Variants in DIP2C observed in about 807,000 individuals in gnomAD.
The protein encoded by DIP2C is DIP2 acetate--CoA ligase C (putative).
DIP2C carries 33 observed loss-of-function variants against 192.4 expected under a neutral mutation model. The observed-to-expected ratio is 0.17, with a 90% confidence interval of 0.13 to 0.23. The LOEUF is 0.23. Among genes scored for constraint, DIP2C ranks in the 10% least tolerant of loss-of-function variants. DIP2C has a pLI of 1.00. For missense variants in DIP2C, 1,537 were observed against 2,110.1 expected, an observed-to-expected ratio of 0.73 and a Z score of 5.32; for synonymous variants, 979 against 864.1, an observed-to-expected ratio of 1.13 and a Z score of -2.33.
intron 3 of DIP2C, among the ~76,000 whole-genome samples, chr10:472,075 G>A (rs1970673517): frequency 1.3e-5 from 2 of 152,152 alleles, no homozygotes; most frequent in Admixed American, 1.3e-4. Context: ...TTTCTGTTTA[G>A]AAAAGTAGAC....
intron 29 of DIP2C, among the ~76,000 whole-genome samples, chr10:337,503 G>A (rs997422228): frequency 2.4e-4 from 34 of 143,854 alleles, no homozygotes; most frequent in Non-Finnish European, 4.2e-4. Flanking sequence ...TGGAGGCCTA[G>A]ACAGTCTGTG....
chr10:507,052 G>A (rs985194191), intron 1 of DIP2C, among the ~76,000 whole-genome samples: 6 of 152,160 alleles, frequency 3.9e-5, no homozygotes, highest in African/African-American at 1.4e-4. Flanking sequence ...CACCCATTGT[G>A]CACGATAAGA....
chr10:643,466 A>G (rs1468250625), intron 1 of DIP2C, among the ~76,000 whole-genome samples: 1 of 152,042 alleles, frequency 6.6e-6, no homozygotes, highest in Non-Finnish European at 1.5e-5. Context: ...GTGAACTGAG[A>G]TCGCACCACT....
chr10:387,605 G>C (rs1963073337), intron 14 of DIP2C, 140 bp downstream of exon 14: 2 of 732,972 alleles, frequency 2.7e-6, no homozygotes, highest in South Asian at 1.6e-5. Flanking sequence ...GTGGGAGGGA[G>C]ACTCCTGTGT....
chr10:395,503 G>T (rs1589696684), intron 10 of DIP2C, among the ~76,000 whole-genome samples: 1 of 152,180 alleles, frequency 6.6e-6, no homozygotes, highest in East Asian at 1.9e-4. Flanking sequence ...TCAGGGGAGG[G>T]TCTCTGTACT....
At chr10:568,638 C>T (rs1301591670) in intron 1 of DIP2C, among the ~76,000 whole-genome samples, 4 of 151,640 alleles carry the variant, frequency 2.6e-5, no homozygotes, top group South Asian at 2.1e-4. Context: ...TGGTGGCACG[C>T]GCCTGTAGTC....
chr10:396,868 C>A (rs550255731), intron 10 of DIP2C, among the ~76,000 whole-genome samples: 1 of 149,970 alleles, frequency 6.7e-6, no homozygotes, highest in African/African-American at 2.5e-5. Flanking sequence ...GGGGGGGAAA[C>A]TGGCATTCTC....
At position 341,323 on chromosome 10, in the gene DIP2C, G is replaced by C; in HGVS notation, c.3460C>G (p.His1154Asp). 1.2e-6 allele frequency: 2 copies of C among 1,613,952 alleles called. No individual in the cohort carries two copies. Among genetic ancestry groups the C allele is most frequent in the Admixed American group, 3.3e-5 (2 of 60,028 alleles). ...CGGCAGAAGGCACTGGTGGCTGCGT[G>C]AGACATCTGCAAAATACAAGGCTGT... ...TGMLAGVKMSHAATSAFCRSI... is the reference protein window; with the variant it reads ...TGMLAGVKMSDAATSAFCRSI... The change falls in exon 29 of 37, where the codon CAC (histidine) becomes GAC (aspartate). Residue 1154 changes from histidine to aspartate, a missense_variant. Physicochemically the swap from His to Asp is moderately conservative, Grantham distance 81. Around this residue, in one of 4 missense-constraint regions of DIP2C, gnomAD observed 341 missense variants for 551.7 expected, o/e 0.62. Transcript: ENST00000280886.
intron 1 of DIP2C, among the ~76,000 whole-genome samples, chr10:532,054 T>G (rs1417980658): frequency 6.6e-6 from 1 of 151,964 alleles, no homozygotes; most frequent in Non-Finnish European, 1.5e-5. Context: ...GTATGACGAG[T>G]CCCCTTTAGT....
At chr10:684,133 C>A (rs1831230664) in intron 1 of DIP2C, among the ~76,000 whole-genome samples, 1 of 152,220 alleles carries the variant, frequency 6.6e-6, no homozygotes, top group Non-Finnish European at 1.5e-5. Context: ...AAAGAACATT[C>A]AAATCAAACT....
intron 9 of DIP2C, among the ~76,000 whole-genome samples, chr10:407,194 T>C (rs988929599): frequency 6.6e-6 from 1 of 152,190 alleles, no homozygotes; most frequent in Admixed American, 6.5e-5. Flanking sequence ...AGGTGAACTG[T>C]TGGGTAGTTA....
chr10:590,462 G>A (rs546472813), intron 1 of DIP2C, among the ~76,000 whole-genome samples: 32 of 152,310 alleles, frequency 2.1e-4, no homozygotes, highest in Middle Eastern at 6.8e-3. Flanking sequence ...AACCCACGCC[G>A]AACCTCAGTG....
intron 3 of DIP2C, among the ~76,000 whole-genome samples, chr10:452,795 G>A (rs1050851607): frequency 5.9e-5 from 9 of 152,188 alleles, no homozygotes; most frequent in Non-Finnish European, 1.2e-4. Flanking sequence ...AAGGCCGCAT[G>A]TCCACTGGCC....
chr10:644,060 G>T (rs1207432854), intron 1 of DIP2C, among the ~76,000 whole-genome samples: 1 of 152,234 alleles, frequency 6.6e-6, no homozygotes, highest in East Asian at 1.9e-4. Context: ...AGCTGCGGCT[G>T]TTTTAAAAAG....
intron 2 of DIP2C, among the ~76,000 whole-genome samples, chr10:486,204 A>C (rs1343629636): frequency 6.6e-6 from 1 of 152,254 alleles, no homozygotes; most frequent in Non-Finnish European, 1.5e-5. Context: ...TAGCATTTTA[A>C]AGTAACCAAC....
intron 1 of DIP2C, among the ~76,000 whole-genome samples, chr10:583,672 A>G (rs563705854): frequency 6.6e-6 from 1 of 152,354 alleles, no homozygotes; most frequent in East Asian, 1.9e-4. Flanking sequence ...GCTCTCAGCC[A>G]GCGCTCAACA....
At chr10:286,430 A>T in intron 33 of DIP2C, 83 bp from the exon 34 acceptor site, 1 of 1,259,632 alleles carries the variant, frequency 7.9e-7, no homozygotes, top group South Asian at 1.2e-5. Context: ...TCTCATCTTT[A>T]TGCCATTTCC....
In DIP2C at chr10:605,268, G is replaced by A. The variant is rs552718587; in HGVS notation, c.85+84226C>T. ...GGGGGCAGCAGAACTGAAGCTCTAC[G>A]ACTATCTCAACTACTGGGTTTCAGG... is the stretch of plus-strand genomic sequence containing the variant. On this transcript the variant is annotated intron_variant, in intron 1 of 36. Transcript: ENST00000280886. Among the ~76,000 whole-genome samples the A allele has an allele frequency of 4.6e-5, 7 of 152,194 alleles. No individual in the cohort carries two copies. In the South Asian group the frequency reaches 1.0e-3, roughly 23 times the overall value.
chr10:580,957 G>A (rs1672534), intron 1 of DIP2C, among the ~76,000 whole-genome samples: 1 of 152,186 alleles, frequency 6.6e-6, no homozygotes, highest in African/African-American at 2.4e-5. Flanking sequence ...ATGTTTTGGC[G>A]TTTGAGACAA....
Sources: allele counts gnomAD v4.1 joint callset (sites outside exome capture counted in the v4.1 genomes callset), GRCh38; gene constraint gnomAD v4.1.1; regional missense constraint gnomAD v4.1.1; transcripts MANE v1.5; gene names NCBI Gene and HGNC (gene_info 2026-07-23, HGNC 2026-07-21).